SEMA3A: variants seen among roughly 807,000 people sequenced by gnomAD.
SEMA3A encodes the protein semaphorin 3A.
Under a neutral mutation model 97.9 loss-of-function variants are expected in SEMA3A, and 29 were observed. The observed-to-expected ratio is 0.30, with a 90% CI of 0.22 to 0.40. The LOEUF is 0.40. Among genes scored for constraint, SEMA3A ranks in the 10% least tolerant of loss-of-function variants. The pLI, the probability that SEMA3A is intolerant of heterozygous loss-of-function variation, is 1.00. For missense variants in SEMA3A, 763 were observed against 951.3 expected (o/e 0.80, Z 2.60); for synonymous variants, 321 against 323.7 (o/e 0.99, Z 0.09).
At chr7:83,977,866 T>C (rs1418769578) in intron 14 of SEMA3A, among the ~76,000 whole-genome samples, 2 of 150,518 alleles carry the variant, frequency 1.3e-5, no homozygotes, top group African/African-American at 2.4e-5. Context: ...TGCAGTGGCG[T>C]GATCTCGGCT....
chr7:84,418,974 T>C (rs1804514933), intron 1 of SEMA3A, among the ~76,000 whole-genome samples: 2 of 152,060 alleles, frequency 1.3e-5, no homozygotes, highest in South Asian at 4.1e-4. Flanking sequence ...CACATACATA[T>C]ATATACATAC....
At chr7:84,313,408 A>AG (rs1801412856) in intron 2 of SEMA3A, among the ~76,000 whole-genome samples, 1 of 120,818 alleles carries the variant, frequency 8.3e-6, no homozygotes, top group Admixed American at 8.9e-5. Flanking sequence ...ATATATATAA[A>AG]CTATACGTGA....
At chr7:84,483,843 G>C (rs1357538004) in intron 1 of SEMA3A, among the ~76,000 whole-genome samples, 3 of 151,984 alleles carry the variant, frequency 2.0e-5, no homozygotes, top group African/African-American at 7.2e-5. Flanking sequence ...TCAGGAGTTC[G>C]AGACCACCTG....
In SEMA3A at chr7:84,430,819, G is replaced by GTA. The variant is rs1554385628; in HGVS notation, c.-245-58920_-245-58919insTA. Among the ~76,000 whole-genome samples the GTA allele has an allele frequency of 5.4e-3, 796 of 148,432 alleles. 8 individuals are homozygous for GTA. Among genetic ancestry groups the GTA allele is most frequent in the African/African-American group, 0.015 (627 of 40,600 alleles). On this transcript the variant is annotated intron_variant, in intron 1 of 3. Transcript: ENST00000424555. ...TGTGTGTGTGTGTGTGTGTGTGTGT[G>GTA]TGTATTTAGATTATATTGTGTATTT...
chr7:84,200,924 G>T (rs1317913664), intron 3 of SEMA3A, among the ~76,000 whole-genome samples: 1 of 151,716 alleles, frequency 6.6e-6, no homozygotes, highest in African/African-American at 2.4e-5. Context: ...AGGAAAAAAT[G>T]AGGCATCTGT....
At chr7:84,377,076 T>C (rs1803123344) in intron 1 of SEMA3A, among the ~76,000 whole-genome samples, 1 of 152,194 alleles carries the variant, frequency 6.6e-6, no homozygotes, top group Non-Finnish European at 1.5e-5. Context: ...TGAGATTTTC[T>C]CCATAAAATC....
At chr7:84,470,467 T>C (rs1806117252) in intron 1 of SEMA3A, among the ~76,000 whole-genome samples, 1 of 152,080 alleles carries the variant, frequency 6.6e-6, no homozygotes, top group Admixed American at 6.6e-5. Flanking sequence ...AACAAACAAA[T>C]TGATAAAACA....
At chr7:84,429,547 T>TATATATATATATATATATATATATATAG (rs1443588588) in intron 1 of SEMA3A, among the ~76,000 whole-genome samples, 3 of 115,946 alleles carry the variant, frequency 2.6e-5, no homozygotes, top group East Asian at 5.8e-4. Context: ...TATATATATA[T>TATATATATATATATATATATATATATAG]AGCGAGAGAG....
chr7:84,247,841 C>T (rs529871913), intron 3 of SEMA3A, among the ~76,000 whole-genome samples: 2 of 152,244 alleles, frequency 1.3e-5, no homozygotes, highest in African/African-American at 4.8e-5. Context: ...TAAAAAACTA[C>T]AGACAGTGAT....
chr7:84,049,513 A>C (rs926868321), intron 5 of SEMA3A, among the ~76,000 whole-genome samples: 1 of 152,106 alleles, frequency 6.6e-6, no homozygotes, highest in African/African-American at 2.4e-5. Context: ...TATGCCATTT[A>C]ATAAACTTGA....
At chr7:84,219,097 C>T (rs1798816228) in intron 3 of SEMA3A, among the ~76,000 whole-genome samples, 2 of 152,050 alleles carry the variant, frequency 1.3e-5, no homozygotes, top group African/African-American at 4.8e-5. Flanking sequence ...ACATCACCAA[C>T]AAAAGACTGA....
At chr7:84,258,279 C>T (rs1799761733) in intron 3 of SEMA3A, among the ~76,000 whole-genome samples, 1 of 152,134 alleles carries the variant, frequency 6.6e-6, no homozygotes, top group South Asian at 2.1e-4. Flanking sequence ...AGGTCAGATG[C>T]TGCTATTGCT....
intron 2 of SEMA3A, among the ~76,000 whole-genome samples, chr7:84,310,018 T>A (rs1014087539): frequency 1.2e-4 from 18 of 152,170 alleles, no homozygotes; most frequent in Non-Finnish European, 1.8e-4. Flanking sequence ...TTTTGAAAAG[T>A]GCATTGATCA....
At chr7:84,451,697 A>C (rs556745308) in intron 1 of SEMA3A, among the ~76,000 whole-genome samples, 1 of 152,184 alleles carries the variant, frequency 6.6e-6, no homozygotes, top group Non-Finnish European at 1.5e-5. Flanking sequence ...TTTATCACAG[A>C]AAATACGCCT....
In SEMA3A at chr7:83,960,382, G is replaced by A. The variant is rs918170643; in HGVS notation, c.*989C>T. On this transcript the variant is annotated 3_prime_UTR_variant, in exon 17 of 17. Coordinates refer to ENST00000265362, the MANE Select transcript of SEMA3A (RefSeq NM_006080.3). ...TTTCTTCCTTTTTTCCTGCTTAAATGTTCTGTTTTTTTTTCTAAGAACATT... is the reference window on the plus strand; with the variant it reads ...TTTCTTCCTTTTTTCCTGCTTAAATATTCTGTTTTTTTTTCTAAGAACATT... 21 of 151,632 alleles carry A rather than the reference G, an allele frequency of 1.4e-4. No homozygotes were observed. The highest frequency in any genetic ancestry group is 3.9e-4 in the Admixed American group (6 of 15,232). The allele number at this position is 151,632 out of a possible 1,614,324, so 9.4% of individuals were successfully genotyped here. A position where few individuals can be genotyped will look rare whatever the true frequency, so the allele number is the denominator to read the frequency against.
At chr7:84,011,950 C>G (rs773565548) in intron 7 of SEMA3A, among the ~76,000 whole-genome samples, 1 of 151,738 alleles carries the variant, frequency 6.6e-6, no homozygotes, top group Non-Finnish European at 1.5e-5. Context: ...ATGAATAAAC[C>G]GGGGGACATT....
At position 84,389,285 on chromosome 7, in the gene SEMA3A, T is replaced by A. The variant is rs543598453; in HGVS notation, c.-245-17385A>T. 3.9e-5 allele frequency among the ~76,000 whole-genome samples: 6 copies of A among 152,208 alleles called. No individual in the cohort carries two copies. The South Asian group carries it at 1.2e-3, about 32-fold the overall frequency. On this transcript the variant is annotated intron_variant, in intron 1 of 3. Coordinates refer to the SEMA3A transcript ENST00000424555. ...TGAAAAATTGCTAAAGTGAATCTAC[T>A]CTTTCTATGCTTCTCCCCATGTCAA...
chr7:84,250,068 ACAT>A (rs1799570239), intron 3 of SEMA3A, among the ~76,000 whole-genome samples: 1 of 151,938 alleles, frequency 6.6e-6, no homozygotes, highest in Admixed American at 6.6e-5. Flanking sequence ...AAGTCTTCAG[ACAT>A]CATATTGCAA....
intron 12 of SEMA3A, among the ~76,000 whole-genome samples, chr7:83,986,969 TTCACACA>T (rs1562955701): frequency 1.6e-4 from 24 of 147,320 alleles, no homozygotes; most frequent in Middle Eastern, 3.5e-3. Context: ...CTCTCTCTCT[TTCACACA>T]CACACACACA....
Sources: allele counts gnomAD v4.1 joint callset (sites outside exome capture counted in the v4.1 genomes callset), GRCh38; gene constraint gnomAD v4.1.1; transcripts MANE v1.5; gene names NCBI Gene and HGNC (gene_info 2026-07-23, HGNC 2026-07-21).